Variants in PPEF1 observed in about 807,000 individuals in gnomAD.
PPEF1 encodes protein phosphatase with EF-hand domain 1.
Under a neutral mutation model 53.3 loss-of-function variants are expected in PPEF1, and 12 were observed. The observed-to-expected ratio is 0.23, with a 90% CI of 0.14 to 0.36. The LOEUF (loss-of-function observed/expected upper bound fraction) is 0.36, where lower values mean the gene tolerates loss of function less well. PPEF1 is among the 10% of genes least tolerant of loss of function. The pLI, the probability that PPEF1 is intolerant of heterozygous loss-of-function variation, is 1.00. For missense variants in PPEF1, 334 were observed against 490.4 expected, an observed-to-expected ratio of 0.68 and a Z score of 3.01; for synonymous variants, 165 against 176.7, an observed-to-expected ratio of 0.93 and a Z score of 0.52.
intron 1 of PPEF1, among the ~76,000 whole-genome samples, chrX:18,711,139 A>G (rs971772301): frequency 9.2e-6 from 1 of 109,056 alleles, no homozygotes; most frequent in Non-Finnish European, 1.9e-5. Flanking sequence ...AGCCATAAAA[A>G]AGAATGAAAT....
chrX:18,787,003 C>T (rs1426243288), intron 9 of PPEF1, among the ~76,000 whole-genome samples: 3 of 111,023 alleles, frequency 2.7e-5, no homozygotes, highest in Non-Finnish European at 5.7e-5. Flanking sequence ...GCTCTTTAGA[C>T]TGGCTTTAAA....
intron 3 of PPEF1, chrX:18,690,823 C>T (rs760042732): frequency 8.9e-6 from 1 of 112,656 alleles, no homozygotes; most frequent in Non-Finnish European, 1.9e-5. Context: ...GTCCTCTCAT[C>T]CAGGTCATGT....
At chrX:18,733,955 C>T (rs1247349294) in intron 3 of PPEF1, 147 bp downstream of exon 3, 6 of 444,867 alleles carry the variant, frequency 1.3e-5, no homozygotes, top group Non-Finnish European at 2.2e-5. Context: ...CAACTGGCAA[C>T]ATCAGTTCAA....
intron 10 of PPEF1, among the ~76,000 whole-genome samples, chrX:18,795,964 T>C (rs779801955): frequency 8.9e-5 from 10 of 111,903 alleles, no homozygotes; most frequent in Non-Finnish European, 1.5e-4. Flanking sequence ...TTGGTTGGTT[T>C]CCTTTTTTTG....
At chrX:18,714,267 T>C (rs1440734896) in intron 1 of PPEF1, among the ~76,000 whole-genome samples, 1 of 71,537 alleles carries the variant, frequency 1.4e-5, no homozygotes, top group East Asian at 4.8e-4. Flanking sequence ...AGTTTGTTTT[T>C]CGTTTTTTTG....
upstream of PPEF1, among the ~76,000 whole-genome samples, chrX:18,705,351 G>A (rs2044173791): frequency 9.0e-6 from 1 of 111,647 alleles, no homozygotes. Flanking sequence ...TCCTGCCCTT[G>A]GATCTGATCT....
chrX:18,708,269 T>C (rs2044245256), intron 1 of PPEF1, among the ~76,000 whole-genome samples: 1 of 112,211 alleles, frequency 8.9e-6, no homozygotes, highest in Admixed American at 9.5e-5. Flanking sequence ...TCATGAGATT[T>C]GCATCACGTT....
At chrX:18,684,178 C>T (rs544886508) in intron 1 of PPEF1, among the ~76,000 whole-genome samples, 2 of 111,451 alleles carry the variant, frequency 1.8e-5, no homozygotes, top group South Asian at 3.7e-4. Flanking sequence ...TTGGGTAGTG[C>T]GGGAGCTTTT....
At chrX:18,755,664 T>C (rs772498023) in intron 4 of PPEF1, among the ~76,000 whole-genome samples, 54 of 111,364 alleles carry the variant, frequency 4.8e-4, no homozygotes, top group Middle Eastern at 9.3e-3. Flanking sequence ...AACATTTTCA[T>C]CACCCCCAAA....
At position 18,688,427 on chromosome X, in the gene PPEF1, T is replaced by C. The variant is rs151296484; in HGVS notation, c.-426+2196T>C. On this transcript the variant is annotated intron_variant, in intron 3 of 21. Transcript: ENST00000361511. The stretch of plus-strand genomic sequence containing the variant: ...TTACAAATAGCTCTTATTGACCTGT[T>C]AAAGAGTTATTAAACATGTAGACAT... Among the ~76,000 whole-genome samples, 807 of 112,924 alleles carry C rather than the reference T, an allele frequency of 7.1e-3. 11 individuals carry two copies. The highest frequency in any genetic ancestry group is 0.024 in the African/African-American group (735 of 31,120).
chrX:18,764,546 A>G (rs1333574327), intron 6 of PPEF1, among the ~76,000 whole-genome samples: 2 of 111,646 alleles, frequency 1.8e-5, no homozygotes, highest in African/African-American at 6.5e-5. Context: ...TTCATTGACC[A>G]TGAAATGGAG....
At chrX:18,804,586 C>T (rs761743277) in intron 11 of PPEF1, among the ~76,000 whole-genome samples, 4 of 111,920 alleles carry the variant, frequency 3.6e-5, no homozygotes, top group Non-Finnish European at 7.5e-5. Context: ...GGATTACAGT[C>T]GTGAGCCACC....
At chrX:18,738,746 G>A (rs1399362342) in intron 3 of PPEF1, among the ~76,000 whole-genome samples, 1 of 112,480 alleles carries the variant, frequency 8.9e-6, no homozygotes, top group Non-Finnish European at 1.9e-5. Context: ...CATTCTCCCA[G>A]TCACTTTCAG....
At chrX:18,746,473 A>G (rs2045331687) in intron 3 of PPEF1, among the ~76,000 whole-genome samples, 1 of 111,846 alleles carries the variant, frequency 8.9e-6, no homozygotes, top group South Asian at 3.7e-4. Flanking sequence ...CTTTTAGGCA[A>G]TGATGGTCAT....
intron 10 of PPEF1, among the ~76,000 whole-genome samples, chrX:18,790,417 T>A (rs895138552): frequency 8.9e-6 from 1 of 111,930 alleles, no homozygotes; most frequent in Middle Eastern, 4.6e-3. Flanking sequence ...TCCCCTTTCT[T>A]GATGGTGTCC....
At chrX:18,816,583 A>G (rs1322389419) in intron 12 of PPEF1, among the ~76,000 whole-genome samples, 2 of 111,466 alleles carry the variant, frequency 1.8e-5, no homozygotes, top group Non-Finnish European at 3.8e-5. Context: ...TTCTCTTTCC[A>G]TGTTGATTTT....
intron 9 of PPEF1, among the ~76,000 whole-genome samples, chrX:18,786,780 C>CAAAA (rs761641178): frequency 1.2e-4 from 7 of 58,822 alleles, no homozygotes; most frequent in Admixed American, 2.5e-4. Context: ...AACACTATCT[C>CAAAA]AAAAAAAAAA....
exon 1 of PPEF1, chrX:18,675,956 C>T (rs866517311): frequency 3.4e-5 from 1 of 29,521 alleles, no homozygotes; most frequent in East Asian, 2.2e-3. Context: ...ATCATTTGGG[C>T]GGGGGGGGGG....
At chrX:18,680,373 G>A (rs1162719739), upstream of PPEF1, among the ~76,000 whole-genome samples, 1 of 108,039 alleles carries the variant, frequency 9.3e-6, no homozygotes. Context: ...ATTCATGCTA[G>A]AGACTCACTG....
Sources: gnomAD v4.1 joint callset for allele counts (sites outside exome capture counted in the v4.1 genomes callset) on GRCh38, gnomAD v4.1.1 for gene constraint, MANE v1.5 for transcripts, NCBI Gene and HGNC (gene_info 2026-07-23, HGNC 2026-07-21) for gene names.